The following SOX5 variants were observed in gnomAD, a reference collection of about 807,000 sequenced individuals.
SOX5 encodes the protein transcription factor SOX-5.
Under a neutral mutation model 92.0 loss-of-function variants are expected in SOX5, and 9 were observed. The ratio of observed to expected loss-of-function variants is 0.10; its 90% CI spans 0.06 to 0.17. The LOEUF is 0.17. Ranked by LOEUF, SOX5 falls within the 10% of genes least tolerant of loss-of-function variation. The probability of loss-of-function intolerance (pLI) is 1.00; values close to 1 mark genes in which losing one functional copy is unlikely to be tolerated. For missense variants in SOX5, 642 were observed against 944.5 expected, an observed-to-expected ratio of 0.68 and a Z score of 4.20; for synonymous variants, 344 against 336.3, an observed-to-expected ratio of 1.02 and a Z score of -0.25.
chr12:23,636,470 T>A (rs897918028), intron 8 of SOX5, among the ~76,000 whole-genome samples: 1 of 152,196 alleles, frequency 6.6e-6, no homozygotes, highest in Non-Finnish European at 1.5e-5. Context: ...ATTCTGGATT[T>A]ACTTATCATA....
chr12:24,538,529 A>G (rs897482042), intron 1 of SOX5, among the ~76,000 whole-genome samples: 1 of 151,724 alleles, frequency 6.6e-6, no homozygotes, highest in Non-Finnish European at 1.5e-5. Flanking sequence ...CCAGGGTTTC[A>G]AGCAACAAAT....
At chr12:24,458,512 C>G (rs1006007730) in intron 1 of SOX5, among the ~76,000 whole-genome samples, 6 of 152,124 alleles carry the variant, frequency 3.9e-5, no homozygotes, top group Admixed American at 1.3e-4. Flanking sequence ...GATACCCGGC[C>G]ACATTCCACT....
intron 4 of SOX5, among the ~76,000 whole-genome samples, chr12:24,070,966 C>G (rs559835373): frequency 5.3e-4 from 80 of 152,202 alleles, no homozygotes; most frequent in Admixed American, 2.6e-3. Flanking sequence ...TTGTCTGGAA[C>G]AAATACGTTT....
chr12:24,341,884 T>C (rs1429062569), intron 2 of SOX5, among the ~76,000 whole-genome samples: 1 of 152,178 alleles, frequency 6.6e-6, no homozygotes, highest in Non-Finnish European at 1.5e-5. Context: ...TGGGTTCTGG[T>C]AAGGCCACCT....
chr12:24,517,756 G>A (rs529999948), intron 1 of SOX5, among the ~76,000 whole-genome samples: 2 of 151,028 alleles, frequency 1.3e-5, no homozygotes, highest in East Asian at 1.9e-4. Context: ...GCAACAGGTA[G>A]GTAAGCTTAT....
At chr12:23,938,479 T>C (rs1025047518) in intron 1 of SOX5, among the ~76,000 whole-genome samples, 2 of 151,088 alleles carry the variant, frequency 1.3e-5, no homozygotes, top group African/African-American at 4.8e-5. Flanking sequence ...AGCAATAGTA[T>C]GTGTGTGACT....
intron 12 of SOX5, among the ~76,000 whole-genome samples, chr12:23,546,083 G>A (rs566975304): frequency 1.1e-3 from 163 of 152,204 alleles, no homozygotes; most frequent in Middle Eastern, 0.01. Flanking sequence ...CTGAGGCTCA[G>A]GCTCTTTCTC....
intron 1 of SOX5, among the ~76,000 whole-genome samples, chr12:24,548,242 C>T (rs969513748): frequency 6.6e-6 from 1 of 152,152 alleles, no homozygotes; most frequent in African/African-American, 2.4e-5. Context: ...CAATATCTCT[C>T]AGGAGATAAG....
chr12:24,327,825 C>A (rs1950888788), intron 2 of SOX5, among the ~76,000 whole-genome samples: 1 of 151,860 alleles, frequency 6.6e-6, no homozygotes, highest in South Asian at 2.1e-4. Flanking sequence ...ATCTCCTGAC[C>A]TCGTGATCCG....
At chr12:23,896,901 T>C (rs1276637881) in intron 1 of SOX5, among the ~76,000 whole-genome samples, 2 of 152,090 alleles carry the variant, frequency 1.3e-5, no homozygotes, top group African/African-American at 2.4e-5. Flanking sequence ...GCTTAGATAA[T>C]TGAACAAGAA....
chr12:23,558,958 C>T (rs894322597), intron 11 of SOX5, among the ~76,000 whole-genome samples: 1 of 152,148 alleles, frequency 6.6e-6, no homozygotes, highest in Non-Finnish European at 1.5e-5. Flanking sequence ...TAGCGAAACT[C>T]GTTCCTAACA....
intron 4 of SOX5, among the ~76,000 whole-genome samples, chr12:24,151,528 T>TTTGAAGGTGG (rs1951649943): frequency 6.6e-6 from 1 of 152,154 alleles, no homozygotes; most frequent in African/African-American, 2.4e-5. Flanking sequence ...CTTTAACTAT[T>TTTGAAGGTGG]TTGAAGGTGG....
chr12:23,765,929 C>G (rs1012649055), intron 3 of SOX5, among the ~76,000 whole-genome samples: 1 of 152,116 alleles, frequency 6.6e-6, no homozygotes, highest in South Asian at 2.1e-4. Flanking sequence ...CCTTAGGAAA[C>G]TCATCATCTC....
At chr12:24,037,635 T>TA (rs1203760161) in intron 4 of SOX5, among the ~76,000 whole-genome samples, 10 of 152,298 alleles carry the variant, frequency 6.6e-5, no homozygotes, top group Non-Finnish European at 1.3e-4. Flanking sequence ...ATATTTAGCT[T>TA]AAAAAATTCA....
At position 23,860,966 on chromosome 12, in the gene SOX5, A is replaced by C. The variant is rs868733538; in HGVS notation, c.271-14773T>G. On this transcript the variant is annotated intron_variant, in intron 2 of 14. Coordinates refer to ENST00000451604, the MANE Select transcript of SOX5 (RefSeq NM_006940.6). ...AGTATATTTTGTAAAAAAAAAAAAA[A>C]AAAAAAAAAAAACCCTGCCAACATA... 3.1e-3 allele frequency among the ~76,000 whole-genome samples: 459 copies of C among 147,990 alleles called. 3 individuals carry two copies. Among genetic ancestry groups the C allele is most frequent in the Non-Finnish European group, 5.4e-3 (364 of 66,892 alleles).
At chr12:23,981,938 A>C (rs973753028) in intron 4 of SOX5, among the ~76,000 whole-genome samples, 2 of 152,152 alleles carry the variant, frequency 1.3e-5, no homozygotes, top group African/African-American at 2.4e-5. Flanking sequence ...TGTAATATTT[A>C]TGGCAATACT....
At chr12:24,277,250 G>C (rs1944542011) in exon 3 of SOX5, 1 of 151,568 alleles carries the variant, frequency 6.6e-6, no homozygotes, top group Non-Finnish European at 1.5e-5. Flanking sequence ...AGAATTCTCT[G>C]TTCAGCTTTC....
chr12:23,559,794 C>T (rs141271760), intron 11 of SOX5, among the ~76,000 whole-genome samples: 8 of 152,236 alleles, frequency 5.3e-5, no homozygotes, highest in Middle Eastern at 3.4e-3. Flanking sequence ...GTAAAGCACC[C>T]GGCTGAACTT....
chr12:24,559,143 C>T (rs1489816566), intron 1 of SOX5, among the ~76,000 whole-genome samples: 1 of 152,192 alleles, frequency 6.6e-6, no homozygotes, highest in East Asian at 1.9e-4. Context: ...TTATTTGAAA[C>T]AGCCAAGCAC....
Sources: allele counts gnomAD v4.1 joint callset (sites outside exome capture counted in the v4.1 genomes callset), GRCh38; gene constraint gnomAD v4.1.1; transcripts MANE v1.5; gene names NCBI Gene and HGNC (gene_info 2026-07-23, HGNC 2026-07-21).